Variants in BEND7 observed in about 807,000 individuals in gnomAD.
BEND7 encodes BEN domain-containing protein 7.
BEND7 carries 28 observed loss-of-function variants against 50.9 expected under a neutral mutation model. The observed-to-expected ratio is 0.55, with a 90% CI of 0.41 to 0.75. BEND7 has a LOEUF of 0.75. Ranked by LOEUF, BEND7 falls within the 30% of genes least tolerant of loss-of-function variation. The pLI is 0.00. For missense variants in BEND7, 477 were observed against 491.3 expected (o/e 0.97, Z 0.28); for synonymous variants, 170 against 183.9 (o/e 0.92, Z 0.61).
At position 13,492,806 on chromosome 10, in the gene BEND7, C is replaced by G; in HGVS notation, c.642G>C (p.Lys214Asn). 2 of 1,608,580 alleles carry G rather than the reference C, an allele frequency of 1.2e-6. No individual in the cohort carries two copies. The highest frequency in any genetic ancestry group is 1.7e-6 in the Non-Finnish European group (2 of 1,178,904). ...GGGGCACTTTTTTCTTTTTATTTCT[C>G]TTTCGTGAGACAGCAGTTCGCTGGG... The part of the protein sequence containing the change: ...ICSQRTAVSR[K>N]RNKKKKVPPK... Residue 214 changes from lysine to asparagine, a missense_variant, in exon 5 of 9, where the codon AAG becomes AAC. By Grantham distance (94) the Lys-to-Asn change is moderately conservative (BLOSUM62 0). Transcript: ENST00000466271.
chr10:13,523,598 C>T (rs2079227228), intron 2 of BEND7, among the ~76,000 whole-genome samples: 2 of 152,140 alleles, frequency 1.3e-5, no homozygotes, highest in South Asian at 2.1e-4. Flanking sequence ...ATTTTGGTAC[C>T]AAACCCCCTT....
chr10:13,496,927 C>G, intron 3 of BEND7, 39 bp from the exon 4 acceptor site: 1 of 810,700 alleles, frequency 1.2e-6, no homozygotes, highest in Non-Finnish European at 1.5e-6. Flanking sequence ...TCCAAACAAA[C>G]CAAAAAAAAA....
At chr10:13,492,396 C>T (rs889928703) in intron 5 of BEND7, among the ~76,000 whole-genome samples, 5 of 152,190 alleles carry the variant, frequency 3.3e-5, no homozygotes, top group African/African-American at 1.2e-4. Flanking sequence ...CTCCTCCTTT[C>T]GGAGACAAAA....
intron 7 of BEND7, among the ~76,000 whole-genome samples, chr10:13,449,656 A>G (rs1189607903): frequency 6.6e-6 from 1 of 152,130 alleles, no homozygotes; most frequent in Non-Finnish European, 1.5e-5. Context: ...ATTGCTTTTC[A>G]TTTAGTTATA....
rs145285905 is a variant in BEND7, at chr10:13,487,864, G to A, written c.837+4747C>T. Among the ~76,000 whole-genome samples, 542 of 151,970 alleles carry A rather than the reference G, an allele frequency of 3.6e-3. 3 individuals carry two copies. The highest frequency in any genetic ancestry group is 6.3e-3 in the Non-Finnish European group (429 of 67,956). On this transcript the variant is annotated intron_variant, in intron 5 of 8. Transcript: ENST00000466271. ...TCTCAGCACTTTGCGAGGACGAGGCGGATGGATCACTTGAGGCCAGGAGAT... is the reference window on the plus strand; with the variant it reads ...TCTCAGCACTTTGCGAGGACGAGGCAGATGGATCACTTGAGGCCAGGAGAT...
intron 6 of BEND7, among the ~76,000 whole-genome samples, chr10:13,475,572 C>A (rs2075364505): frequency 6.6e-6 from 1 of 152,274 alleles, no homozygotes; most frequent in South Asian, 2.1e-4. Context: ...CAAGAAAAGA[C>A]CTGCCCTGAC....
At chr10:13,471,178 A>G (rs1029541492) in intron 6 of BEND7, among the ~76,000 whole-genome samples, 2 of 152,238 alleles carry the variant, frequency 1.3e-5, no homozygotes, top group Admixed American at 6.5e-5. Context: ...GTTAGGGGTC[A>G]TCGCTGACAT....
chr10:13,469,480 AATT>A (rs1238058196), intron 6 of BEND7, among the ~76,000 whole-genome samples: 1 of 152,088 alleles, frequency 6.6e-6, no homozygotes, highest in Non-Finnish European at 1.5e-5. Flanking sequence ...AAGGTTATGG[AATT>A]ATTATTATTT....
chr10:13,471,908 C>T (rs181974898), intron 6 of BEND7, among the ~76,000 whole-genome samples: 91 of 152,042 alleles, frequency 6.0e-4, no homozygotes, highest in African/African-American at 1.5e-3. Context: ...GACTTGAGGC[C>T]GATACCCGTC....
chr10:13,525,270 T>G (rs2079377441), intron 2 of BEND7, among the ~76,000 whole-genome samples: 1 of 152,210 alleles, frequency 6.6e-6, no homozygotes, highest in African/African-American at 2.4e-5. Context: ...CGTGGTTTCA[T>G]TTTTGGCTGA....
chr10:13,496,498 T>C (rs1175006993), intron 4 of BEND7, among the ~76,000 whole-genome samples: 1 of 152,244 alleles, frequency 6.6e-6, no homozygotes, highest in African/African-American at 2.4e-5. Context: ...AACTGACATT[T>C]GTGAAGTACT....
intron 6 of BEND7, among the ~76,000 whole-genome samples, chr10:13,470,832 C>G (rs1156533361): frequency 6.6e-6 from 1 of 152,156 alleles, no homozygotes; most frequent in Non-Finnish European, 1.5e-5. Flanking sequence ...GAGTCCATTT[C>G]ACTGGCATTA....
chr10:13,497,006 T>C (rs1254461706), intron 3 of BEND7, 118 bp from the exon 4 acceptor site: 2 of 1,275,700 alleles, frequency 1.6e-6, no homozygotes, highest in African/African-American at 1.5e-5. Context: ...CATGTGCAAT[T>C]ATGATGAAGC....
chr10:13,495,451 C>T (rs991113678), intron 4 of BEND7, among the ~76,000 whole-genome samples: 15 of 152,092 alleles, frequency 9.9e-5, no homozygotes, highest in Non-Finnish European at 7.4e-5. Context: ...CACCTGAGGT[C>T]GGGAGTTTGA....
downstream of BEND7, among the ~76,000 whole-genome samples, chr10:13,440,064 G>A (rs1214306129): frequency 1.3e-5 from 2 of 152,218 alleles, no homozygotes. Flanking sequence ...CTTGGGGAGG[G>A]GGGTTTGGCG....
intron 6 of BEND7, among the ~76,000 whole-genome samples, chr10:13,468,096 C>T (rs2074434931): frequency 6.6e-6 from 1 of 152,214 alleles, no homozygotes; most frequent in African/African-American, 2.4e-5. Flanking sequence ...CAGCACCATA[C>T]TGACCCTCAG....
At chr10:13,499,504 C>A (rs1440319844) in intron 3 of BEND7, among the ~76,000 whole-genome samples, 1 of 152,134 alleles carries the variant, frequency 6.6e-6, no homozygotes, top group Non-Finnish European at 1.5e-5. Flanking sequence ...CATACATGGG[C>A]ACAAAATGAT....
At chr10:13,444,003 T>A (rs1835766372) in intron 8 of BEND7, 1 of 152,208 alleles carries the variant, frequency 6.6e-6, no homozygotes, top group African/African-American at 2.4e-5. Flanking sequence ...ACATCCCCAT[T>A]TCAAATTTGG....
At chr10:13,526,724 T>A (rs2079475368) in intron 1 of BEND7, among the ~76,000 whole-genome samples, 1 of 152,274 alleles carries the variant, frequency 6.6e-6, no homozygotes, top group Non-Finnish European at 1.5e-5. Context: ...AAATGTAGTA[T>A]GATTTGGATA....
Sources: allele counts gnomAD v4.1 joint callset (sites outside exome capture counted in the v4.1 genomes callset), GRCh38; gene constraint gnomAD v4.1.1; transcripts MANE v1.5; gene names NCBI Gene and HGNC (gene_info 2026-07-23, HGNC 2026-07-21).